CDYL2: variants seen among roughly 807,000 people sequenced by gnomAD.
CDYL2 encodes the protein chromodomain Y like 2.
A neutral mutation model predicts 49.4 loss-of-function variants in CDYL2; 23 were observed. The observed-to-expected ratio is 0.47, with a 90% CI of 0.34 to 0.66. The LOEUF is 0.66. Among genes scored for constraint, CDYL2 ranks in the 30% least tolerant of loss-of-function variants. CDYL2 has a pLI of 0.01. For synonymous variants in CDYL2, 360 were observed against 268.8 expected, an observed-to-expected ratio of 1.34 and a Z score of -3.32; for missense variants, 678 against 656.4, an observed-to-expected ratio of 1.03 and a Z score of -0.36.
chr16:80,652,447 A>T (rs1028202872), intron 2 of CDYL2, among the ~76,000 whole-genome samples: 3 of 152,238 alleles, frequency 2.0e-5, no homozygotes, highest in Non-Finnish European at 4.4e-5. Context: ...CTTTAAATAA[A>T]TGATTGAATA....
intron 1 of CDYL2, among the ~76,000 whole-genome samples, chr16:80,728,053 C>T (rs1905221640): frequency 6.6e-6 from 1 of 152,240 alleles, no homozygotes; most frequent in Non-Finnish European, 1.5e-5. Context: ...CTCTCCTCCT[C>T]CAAAGGATGG....
intron 1 of CDYL2, among the ~76,000 whole-genome samples, chr16:80,748,523 A>AAC (rs1906016413): frequency 7.0e-6 from 1 of 142,242 alleles, no homozygotes; most frequent in African/African-American, 2.6e-5. Flanking sequence ...AAAAAAAAAA[A>AAC]AAAAAAAAAA....
At chr16:80,695,692 G>T (rs1378882527) in intron 1 of CDYL2, among the ~76,000 whole-genome samples, 2 of 152,128 alleles carry the variant, frequency 1.3e-5, no homozygotes, top group African/African-American at 4.8e-5. Context: ...GATCAATTCA[G>T]CAAAAGGAAA....
chr16:80,612,593 G>A lies in CDYL2; in HGVS notation c.1218+33C>T. 1 of 1,564,736 alleles carries A rather than the reference G, an allele frequency of 6.4e-7. No individual in the cohort carries two copies. Among genetic ancestry groups the A allele is most frequent in the Non-Finnish European group, 8.7e-7 (1 of 1,153,360 alleles). The stretch of plus-strand genomic sequence containing the variant: ...CCCAAGGCAGAGGAAGGATCCTGCT[G>A]GGACCCGAATCCAGGTATCACAGGA... On this transcript the variant is annotated intron_variant, in intron 5 of 6. Coordinates refer to ENST00000570137, the MANE Select transcript of CDYL2 (RefSeq NM_152342.4). The surrounding 1 kb of genome is among the most constrained non-coding windows in gnomAD (Gnocchi z 5.0).
At chr16:80,639,697 G>C (rs1329758300) in intron 2 of CDYL2, 2 of 455,850 alleles carry the variant, frequency 4.4e-6, no homozygotes. Context: ...TCATATTGCT[G>C]AAAGAAGCAC....
intron 1 of CDYL2, among the ~76,000 whole-genome samples, chr16:80,764,474 G>GA (rs967974736): frequency 8.6e-5 from 13 of 150,928 alleles, no homozygotes; most frequent in Non-Finnish European, 3.0e-5. Flanking sequence ...GGGAGGACAG[G>GA]AAAAAAAAGT....
intron 3 of CDYL2, among the ~76,000 whole-genome samples, chr16:80,627,196 T>C (rs1309133904): frequency 2.0e-5 from 3 of 152,208 alleles, no homozygotes; most frequent in African/African-American, 7.2e-5. Context: ...TCAAAAAAGC[T>C]CACAGGCCAC....
At chr16:80,757,684 G>A (rs1302681792) in intron 1 of CDYL2, among the ~76,000 whole-genome samples, 2 of 151,198 alleles carry the variant, frequency 1.3e-5, no homozygotes, top group Non-Finnish European at 2.9e-5. Flanking sequence ...AACAGGGAAA[G>A]GTATATTCAT....
At position 80,804,447 on chromosome 16, in the gene CDYL2, G is replaced by C. The variant is rs1908036371; in HGVS notation, c.-274C>G. 1 of 146,776 alleles carries C rather than the reference G, an allele frequency of 6.8e-6. No homozygotes were observed. The highest frequency in any genetic ancestry group is 2.5e-5 in the African/African-American group (1 of 40,566). 9.1% of individuals were successfully genotyped at this position (146,776 alleles called of 1,614,324 possible). On this transcript the variant is annotated 5_prime_UTR_variant, in exon 1 of 7. Transcript: ENST00000570137. ...CGCGGGCAGCAGCGACGGCCGCGCAGCGCGCCCGGGAGGCACGGACGCGGC... is the reference window on the plus strand; with the variant it reads ...CGCGGGCAGCAGCGACGGCCGCGCACCGCGCCCGGGAGGCACGGACGCGGC...
chr16:80,797,833 T>C (rs763229609), intron 1 of CDYL2, among the ~76,000 whole-genome samples: 3 of 152,182 alleles, frequency 2.0e-5, no homozygotes, highest in Admixed American at 6.5e-5. Context: ...TTTCAATTAT[T>C]GAAACAGCAC....
At chr16:80,784,057 T>C (rs1453803496) in intron 1 of CDYL2, among the ~76,000 whole-genome samples, 1 of 152,264 alleles carries the variant, frequency 6.6e-6, no homozygotes, top group African/African-American at 2.4e-5. Flanking sequence ...ATACTGTATA[T>C]ATTTTACCAC....
chr16:80,715,958 C>G (rs1904783906), intron 1 of CDYL2, among the ~76,000 whole-genome samples: 1 of 152,244 alleles, frequency 6.6e-6, no homozygotes, highest in South Asian at 2.1e-4. Flanking sequence ...AAGCCCAAAA[C>G]CCAGCTCTGT....
chr16:80,706,014 A>C, intron 1 of CDYL2, among the ~76,000 whole-genome samples: 1 of 152,222 alleles, frequency 6.6e-6, no homozygotes, highest in East Asian at 1.9e-4. Context: ...GAGGGGTGTA[A>C]TCTGAACATC....
intron 1 of CDYL2, among the ~76,000 whole-genome samples, chr16:80,688,356 T>C (rs936215067): frequency 6.6e-6 from 1 of 152,196 alleles, no homozygotes; most frequent in Non-Finnish European, 1.5e-5. Flanking sequence ...TCTATCTGTA[T>C]GACCTTGGGC....
At chr16:80,678,824 G>T (rs1476098088) in intron 2 of CDYL2, among the ~76,000 whole-genome samples, 1 of 151,176 alleles carries the variant, frequency 6.6e-6, no homozygotes, top group Admixed American at 6.6e-5. Flanking sequence ...TATGTTTATT[G>T]CGGCACTATT....
At chr16:80,764,633 G>C (rs560181300) in intron 1 of CDYL2, among the ~76,000 whole-genome samples, 1 of 152,148 alleles carries the variant, frequency 6.6e-6, no homozygotes, top group Non-Finnish European at 1.5e-5. Flanking sequence ...TTAATAAACT[G>C]TCATGAGATA....
chr16:80,725,754 G>A (rs948450504), intron 1 of CDYL2, among the ~76,000 whole-genome samples: 2 of 152,348 alleles, frequency 1.3e-5, no homozygotes, highest in Non-Finnish European at 2.9e-5. Flanking sequence ...CAACCACAGT[G>A]TGAGTAACGC....
At chr16:80,748,563 AT>A (rs1355985603) in intron 1 of CDYL2, among the ~76,000 whole-genome samples, 2 of 145,036 alleles carry the variant, frequency 1.4e-5, no homozygotes, top group African/African-American at 5.1e-5. Context: ...ATGTAGAGCT[AT>A]TCACTCAACA....
intron 1 of CDYL2, among the ~76,000 whole-genome samples, chr16:80,704,041 T>G (rs1309415865): frequency 6.6e-6 from 1 of 152,136 alleles, no homozygotes; most frequent in African/African-American, 2.4e-5. Flanking sequence ...GAGGTGAAGG[T>G]GACCAGTAAA....
Sources: gnomAD v4.1 joint callset for allele counts (sites outside exome capture counted in the v4.1 genomes callset) on GRCh38, gnomAD v4.1.1 for gene constraint, Gnocchi (gnomAD v3.1) non-coding constraint, MANE v1.5 for transcripts, NCBI Gene and HGNC (gene_info 2026-07-23, HGNC 2026-07-21) for gene names.